Variants in FGF12 observed in about 807,000 individuals in gnomAD.
The protein encoded by FGF12 is fibroblast growth factor 12B.
FGF12 carries 14 observed loss-of-function variants against 23.6 expected under a neutral mutation model. The observed-to-expected ratio is 0.59, with a 90% CI of 0.39 to 0.93. The LOEUF is 0.93. Among genes scored for constraint, FGF12 ranks in the 40% least tolerant of loss-of-function variants. The pLI is 0.00. For synonymous variants in FGF12, 62 were observed against 77.3 expected (o/e 0.80, Z 1.04); for missense variants, 175 against 217.8 (o/e 0.80, Z 1.24).
Position 192,332,805 on chromosome 3 carries a change from A to G in FGF12, c.228+2556T>C, listed in dbSNP as rs552690842. On this transcript the variant is annotated intron_variant, in intron 4 of 5. Coordinates refer to ENST00000445105, the MANE Select transcript of FGF12 (RefSeq NM_004113.6). ...TCCATAAACTGCAGTTATGACCCTTATTGGTTGCCCAACTACAGTGTTGCC... is the reference window on the plus strand; with the variant it reads ...TCCATAAACTGCAGTTATGACCCTTGTTGGTTGCCCAACTACAGTGTTGCC... Among the ~76,000 whole-genome samples the G allele has an allele frequency of 7.1e-4, 108 of 152,152 alleles. 1 individual carries two copies. Among genetic ancestry groups the G allele is most frequent in the Non-Finnish European group, 1.1e-3 (76 of 67,974 alleles).
chr3:192,256,954 T>C (rs1049137222), intron 4 of FGF12, among the ~76,000 whole-genome samples: 4 of 152,146 alleles, frequency 2.6e-5, no homozygotes, highest in Admixed American at 6.6e-5. Flanking sequence ...ATTTCAAGAA[T>C]TGTGCTCCTC....
intron 2 of FGF12, among the ~76,000 whole-genome samples, chr3:192,557,878 T>C (rs750018565): frequency 2.0e-5 from 3 of 151,800 alleles, no homozygotes; most frequent in Non-Finnish European, 4.4e-5. Flanking sequence ...ACTTTTTCAT[T>C]TAACAAACAC....
intron 2 of FGF12, among the ~76,000 whole-genome samples, chr3:192,539,918 T>G (rs2108575857): frequency 6.6e-6 from 1 of 152,224 alleles, no homozygotes; most frequent in Admixed American, 6.5e-5. Context: ...TCTTCTAGAA[T>G]TTCCAATTTG....
intron 2 of FGF12, among the ~76,000 whole-genome samples, chr3:192,598,353 C>A (rs1713954850): frequency 6.6e-6 from 1 of 152,192 alleles, no homozygotes; most frequent in African/African-American, 2.4e-5. Context: ...CTCAGCAACA[C>A]TATCTGCCTT....
chr3:192,561,629 T>C (rs890492401), intron 2 of FGF12, among the ~76,000 whole-genome samples: 1 of 152,208 alleles, frequency 6.6e-6, no homozygotes, highest in Non-Finnish European at 1.5e-5. Flanking sequence ...CCCAAAGTGC[T>C]GGGATTACAG....
rs376779549 is a variant in FGF12 at position 192,413,195 on chromosome 3, A to T, written c.14-52657T>A. On this transcript the variant is annotated intron_variant, in intron 2 of 5. Transcript: ENST00000445105. Reference sequence around the variant, plus strand: ...ATAGGCCAAGTCTTTCAACTTCCAAATCTACTATTAGGGCTAGTTTACACA... The same window carrying T: ...ATAGGCCAAGTCTTTCAACTTCCAATTCTACTATTAGGGCTAGTTTACACA... Among the ~76,000 whole-genome samples the T allele has an allele frequency of 4.4e-4, 67 of 152,312 alleles. 1 individual carries two copies. The East Asian group carries it at 0.011, about 26-fold the overall frequency.
intron 2 of FGF12, among the ~76,000 whole-genome samples, chr3:192,661,476 G>C (rs1337025970): frequency 6.6e-6 from 1 of 152,162 alleles, no homozygotes; most frequent in Non-Finnish European, 1.5e-5. Flanking sequence ...AGTGAGCTGA[G>C]ATCTCACCAC....
intron 4 of FGF12, among the ~76,000 whole-genome samples, chr3:192,204,842 C>A (rs9857719): frequency 0.05 from 7,593 of 151,632 alleles, 642 homozygotes; most frequent in African/African-American, 0.17. Context: ...GCCAAGATCG[C>A]ACCAAGACTG....
rs1715508772 is a variant in FGF12 at position 192,170,692 on chromosome 3, A to G, written c.229-36T>C. The G allele has an allele frequency of 1.9e-6, 3 of 1,549,172 alleles. No individual in the cohort carries two copies. In the African/African-American group the frequency reaches 4.1e-5, roughly 21 times the overall value. On this transcript the variant is annotated intron_variant, in intron 4 of 5. Coordinates refer to ENST00000445105, the MANE Select transcript of FGF12 (RefSeq NM_004113.6). ...AAAAAAAAAAGACACAAAAAAGAGA[A>G]ATGATTTAAAGGTGAATCAGCAAAT...
Position 192,308,559 on chromosome 3 carries a change from A to C in FGF12, c.228+26802T>G, listed in dbSNP as rs150440761. Among the ~76,000 whole-genome samples, 202 of 152,110 alleles carry C rather than the reference A, an allele frequency of 1.3e-3. 1 individual carries two copies. The highest frequency in any genetic ancestry group is 4.6e-3 in the African/African-American group (191 of 41,514). ...GCCGGGCATGGTGGCGTGTGCCTCT[A>C]ATCGCAGCTACTCAGGAGGCTGAGG... On this transcript the variant is annotated intron_variant, in intron 4 of 5. Transcript: ENST00000445105.
chr3:192,485,496 T>A (rs1047170392), intron 2 of FGF12, among the ~76,000 whole-genome samples: 2 of 152,204 alleles, frequency 1.3e-5, no homozygotes, highest in Non-Finnish European at 2.9e-5. Flanking sequence ...AATTCATTCA[T>A]AGTAAGACTA....
chr3:192,255,008 GA>G (rs1213207600), intron 4 of FGF12, among the ~76,000 whole-genome samples: 2 of 152,030 alleles, frequency 1.3e-5, no homozygotes, highest in African/African-American at 4.8e-5. Flanking sequence ...GAACTAGTAG[GA>G]AGAGTATTAA....
intron 4 of FGF12, among the ~76,000 whole-genome samples, chr3:192,241,522 G>A (rs1387267241): frequency 3.3e-5 from 5 of 152,102 alleles, no homozygotes; most frequent in Non-Finnish European, 4.4e-5. Flanking sequence ...TTATAGTGGA[G>A]AATCAAAAAC....
intron 4 of FGF12, among the ~76,000 whole-genome samples, chr3:192,202,473 C>CA (rs1386973122): frequency 2.6e-5 from 4 of 152,162 alleles, no homozygotes; most frequent in Admixed American, 2.6e-4. Context: ...TTAATGTAGG[C>CA]AAAAACACTG....
intron 2 of FGF12, among the ~76,000 whole-genome samples, chr3:192,379,093 T>C (rs1719700868): frequency 6.6e-6 from 1 of 152,202 alleles, no homozygotes; most frequent in African/African-American, 2.4e-5. Context: ...GATTTAAATT[T>C]TTTCTGGCTG....
intron 5 of FGF12, among the ~76,000 whole-genome samples, chr3:192,149,105 A>G (rs115175374): frequency 3.0e-4 from 46 of 152,338 alleles, no homozygotes; most frequent in Admixed American, 6.5e-4. Flanking sequence ...AAGAGTTAAT[A>G]TACTTAGTTA....
chr3:192,298,448 T>C (rs1202205125), intron 4 of FGF12, among the ~76,000 whole-genome samples: 1 of 152,196 alleles, frequency 6.6e-6, no homozygotes, highest in African/African-American at 2.4e-5. Context: ...GGGTAATTTA[T>C]TTTAAAAATA....
At chr3:192,372,799 T>C (rs1160080295) in intron 2 of FGF12, among the ~76,000 whole-genome samples, 2 of 152,186 alleles carry the variant, frequency 1.3e-5, no homozygotes, top group Non-Finnish European at 2.9e-5. Flanking sequence ...CCATTTCATT[T>C]ACAAGAAAAC....
chr3:192,552,508 T>C (rs1349352137), intron 2 of FGF12, among the ~76,000 whole-genome samples: 3 of 148,982 alleles, frequency 2.0e-5, no homozygotes, highest in African/African-American at 5.0e-5. Flanking sequence ...TGAAAGATAA[T>C]GGTAAAAAGA....
Sources: gnomAD v4.1 joint callset for allele counts (sites outside exome capture counted in the v4.1 genomes callset) on GRCh38, gnomAD v4.1.1 for gene constraint, MANE v1.5 for transcripts, NCBI Gene and HGNC (gene_info 2026-07-23, HGNC 2026-07-21) for gene names.